FMNL3: variants seen among roughly 807,000 people sequenced by gnomAD.
FMNL3 encodes formin-like protein 3.
In FMNL3, 57 loss-of-function variants were observed where a neutral mutation model predicts 119.6. The ratio of observed to expected loss-of-function variants is 0.48; its 90% CI spans 0.39 to 0.59. The LOEUF (loss-of-function observed/expected upper bound fraction) is 0.59, where lower values mean the gene tolerates loss of function less well. Among genes scored for constraint, FMNL3 ranks in the 20% least tolerant of loss-of-function variants. The pLI is 0.00. For synonymous variants in FMNL3, 491 were observed against 507.3 expected (o/e 0.97, Z 0.43); for missense variants, 1,053 against 1,323.5 (o/e 0.80, Z 3.17).
intron 6 of FMNL3, among the ~76,000 whole-genome samples, chr12:49,658,058 A>G (rs559441543): frequency 7.2e-5 from 11 of 152,256 alleles, no homozygotes; most frequent in Non-Finnish European, 1.0e-4. Context: ...GTGAAGAACT[A>G]GAGGGAAACA....
At chr12:49,650,992 T>A (rs1943380910) in intron 16 of FMNL3, 114 bp from the exon 17 acceptor site, 6 of 1,479,962 alleles carry the variant, frequency 4.1e-6, no homozygotes, top group Non-Finnish European at 5.6e-6. Context: ...ATTTCCTGAA[T>A]ACAAACACAA....
chr12:49,688,480 T>C (rs146691400), intron 1 of FMNL3: 248 of 456,096 alleles, frequency 5.4e-4, no homozygotes, highest in African/African-American at 4.5e-3. Context: ...CTCAGCATCC[T>C]TGTAGACCAG....
rs370077083 is a variant in FMNL3, at chr12:49,707,012, T to C, written c.126+43A>G. 3,180 of 1,549,396 alleles carry C rather than the reference T, an allele frequency of 2.1e-3. 31 individuals carry two copies. Among genetic ancestry groups the C allele is most frequent in the South Asian group, 0.012 (1,015 of 84,194 alleles). Reference sequence around the variant, plus strand: ...AAGTCCCAGCCCGGGCGTCGGGACCTGAGGGGCGGTACGCGGGGGAAGGGG... The same window carrying C: ...AAGTCCCAGCCCGGGCGTCGGGACCCGAGGGGCGGTACGCGGGGGAAGGGG... On this transcript the variant is annotated intron_variant, in intron 1 of 25. Transcript: ENST00000335154.
At chr12:49,689,046 A>G (rs1418521679) in intron 1 of FMNL3, among the ~76,000 whole-genome samples, 1 of 152,224 alleles carries the variant, frequency 6.6e-6, no homozygotes, top group African/African-American at 2.4e-5. Context: ...TGAGCCCAGG[A>G]ATTCAAGGCT....
intron 1 of FMNL3, among the ~76,000 whole-genome samples, chr12:49,687,699 A>C (rs1013286579): frequency 1.3e-5 from 2 of 152,244 alleles, no homozygotes; most frequent in Non-Finnish European, 2.9e-5. Context: ...TCTAAAATAC[A>C]GAGTAAACAC....
At chr12:49,675,349 G>A (rs553931972) in intron 1 of FMNL3, among the ~76,000 whole-genome samples, 38 of 152,310 alleles carry the variant, frequency 2.5e-4, no homozygotes, top group African/African-American at 9.1e-4. Context: ...CCCCAGTTAC[G>A]CAGAATGGAA....
In FMNL3 at chr12:49,651,385, A is replaced by G; in HGVS notation, c.1669T>C (p.Ser557Pro). The G allele has an allele frequency of 6.4e-7, 1 of 1,563,492 alleles. No individual in the cohort carries two copies. The highest frequency in any genetic ancestry group is 8.7e-7 in the Non-Finnish European group (1 of 1,147,198). Residue 557 changes from serine to proline, a missense_variant, in exon 15 of 26, where the codon TCA becomes CCA. By Grantham distance (74) the Ser-to-Pro change is moderately conservative (BLOSUM62 -1). This residue lies in a region of FMNL3 where 445 missense variants were observed against 628.4 expected (regional missense o/e 0.71). Coordinates refer to ENST00000335154, the MANE Select transcript of FMNL3 (RefSeq NM_175736.5). Reference sequence around the variant, plus strand: ...CCAGAGCCCTGGGGATACTCACCTGACAGGCCCACTGTCAACACCACAGAG... The same window carrying G: ...CCAGAGCCCTGGGGATACTCACCTGGCAGGCCCACTGTCAACACCACAGAG... ...APSVVLTVGL[S>P]AIRIKKPIKT...
At chr12:49,682,224 C>A (rs1944354111) in intron 1 of FMNL3, among the ~76,000 whole-genome samples, 1 of 152,106 alleles carries the variant, frequency 6.6e-6, no homozygotes. Flanking sequence ...GCGGCCACCA[C>A]CACACCCAGC....
intron 1 of FMNL3, among the ~76,000 whole-genome samples, chr12:49,705,401 T>A (rs1945021326): frequency 6.6e-6 from 1 of 152,174 alleles, no homozygotes; most frequent in Non-Finnish European, 1.5e-5. Flanking sequence ...CAAGGGCCAA[T>A]GAGAACATGA....
At chr12:49,692,474 C>T (rs563482809) in intron 1 of FMNL3, among the ~76,000 whole-genome samples, 3 of 152,192 alleles carry the variant, frequency 2.0e-5, no homozygotes, top group African/African-American at 7.2e-5. Context: ...ACTATTCAGC[C>T]CTCAACCCCA....
At chr12:49,654,811 C>G in intron 10 of FMNL3, 99 bp downstream of exon 10, 3 of 1,120,872 alleles carry the variant, frequency 2.7e-6, no homozygotes, top group Non-Finnish European at 3.9e-6. Context: ...CTGGGCTCTA[C>G]GTGGAATATC....
chr12:49,643,593 A>G lies in FMNL3; in HGVS notation c.*2222T>C. 7.1e-7 allele frequency: 1 copy of G among 1,417,332 alleles called. No individual in the cohort carries two copies. The highest frequency in any genetic ancestry group is 9.6e-7 in the Non-Finnish European group (1 of 1,044,028). The allele number at this position is 1,417,332 out of a possible 1,614,324, so 87.8% of individuals were successfully genotyped here. ...TGGACTTAGACTTCCTCAGAGCATG[A>G]GGTTCCTGCCTGTGAAGAATGAACA... On this transcript the variant is annotated 3_prime_UTR_variant, in exon 26 of 26. Transcript: ENST00000335154.
At position 49,645,895 on chromosome 12, in the gene FMNL3, AGTGGAGGCCT is replaced by A; in HGVS notation, c.2996-2_3003del. 1 of 1,612,620 alleles carries A rather than the reference AGTGGAGGCCT, an allele frequency of 6.2e-7. No individual in the cohort carries two copies. The highest frequency in any genetic ancestry group is 8.5e-7 in the Non-Finnish European group (1 of 1,179,338). On this transcript the variant is annotated splice_acceptor_variant and coding_sequence_variant, in exon 26 of 26. Transcript: ENST00000335154. LOFTEE classifies it high-confidence loss of function. ...TGGTGGCGAACAACCATAGGCTGGC[AGTGGAGGCCT>A]GTGGGGGAAGAGAGAGACCTGTGAA...
At chr12:49,658,284 A>G (rs1177615841) in intron 6 of FMNL3, among the ~76,000 whole-genome samples, 158 bp downstream of exon 6, 1 of 152,194 alleles carries the variant, frequency 6.6e-6, no homozygotes, top group Admixed American at 6.5e-5. Context: ...TCAAGGAGAC[A>G]GAGAAGACAG....
At chr12:49,681,231 C>A (rs1447412518) in intron 1 of FMNL3, among the ~76,000 whole-genome samples, 1 of 152,258 alleles carries the variant, frequency 6.6e-6, no homozygotes, top group Non-Finnish European at 1.5e-5. Flanking sequence ...GACGGAGTCT[C>A]GCTCTGTCGC....
chr12:49,643,798 C>T lies in FMNL3; in HGVS notation c.*2017G>A, dbSNP rs1942989389. 6.2e-7 allele frequency: 1 copy of T among 1,613,718 alleles called. No individual in the cohort carries two copies. Among genetic ancestry groups the T allele is most frequent in the East Asian group, 2.2e-5 (1 of 44,888 alleles). On this transcript the variant is annotated 3_prime_UTR_variant, in exon 26 of 26. Coordinates refer to ENST00000335154, the MANE Select transcript of FMNL3 (RefSeq NM_175736.5). ...CTAAGCCCCTGCTATTTTGTGAGTT[C>T]TGTTCTACCTGCCTCCCAGGCTATC...
At chr12:49,656,281 G>A (rs531911097) in intron 9 of FMNL3, 123 bp downstream of exon 9, 10 of 683,024 alleles carry the variant, frequency 1.5e-5, no homozygotes, top group Non-Finnish European at 2.2e-5. Context: ...GAGAGAGGCT[G>A]CTTGGCCAAG....
rs1942140217 is a variant in FMNL3 at position 49,638,389 on chromosome 12, T to A, written c.*7426A>T. ...ACTGAGCTGGATTTGCAAGGCATTC[T>A]GCAGACTCAAGCTGAGATGCCACTT... On this transcript the variant is annotated 3_prime_UTR_variant, in exon 26 of 26. Coordinates refer to ENST00000335154, the MANE Select transcript of FMNL3 (RefSeq NM_175736.5). 2 of 152,566 alleles carry A rather than the reference T, an allele frequency of 1.3e-5. No individual in the cohort carries two copies. Among genetic ancestry groups the A allele is most frequent in the South Asian group, 4.1e-4 (2 of 4,848 alleles). The allele number at this position is 152,566 out of a possible 1,614,324, so 9.5% of individuals were successfully genotyped here.
intron 1 of FMNL3, among the ~76,000 whole-genome samples, chr12:49,680,730 C>A (rs1298171256): frequency 6.6e-6 from 1 of 152,206 alleles, no homozygotes; most frequent in Non-Finnish European, 1.5e-5. Context: ...GTTATATTCA[C>A]TCAAGAACAC....
Sources: gnomAD v4.1 joint callset for allele counts (sites outside exome capture counted in the v4.1 genomes callset) on GRCh38, gnomAD v4.1.1 for gene constraint, gnomAD v4.1.1 regional missense constraint, MANE v1.5 for transcripts, NCBI Gene and HGNC (gene_info 2026-07-23, HGNC 2026-07-21) for gene names.